GPC5: variants seen among roughly 807,000 people sequenced by gnomAD.
GPC5 encodes the protein glypican-5.
Under a neutral mutation model 53.9 loss-of-function variants are expected in GPC5, and 47 were observed. That is an observed-to-expected ratio of 0.87 (90% CI 0.69 to 1.11). GPC5 has a LOEUF of 1.11. GPC5 is among the 50% of genes most tolerant of loss of function. GPC5 has a pLI of 0.00. For missense variants in GPC5, 748 were observed against 713.1 expected (o/e 1.05, Z -0.56); for synonymous variants, 286 against 263.3 (o/e 1.09, Z -0.84).
chr13:91,491,868 C>T (rs1316493714), intron 2 of GPC5, among the ~76,000 whole-genome samples: 1 of 152,204 alleles, frequency 6.6e-6, no homozygotes, highest in Non-Finnish European at 1.5e-5. Flanking sequence ...ATTATAGCTG[C>T]AAAGACTCTT....
At chr13:92,604,120 AG>A in intron 7 of GPC5, among the ~76,000 whole-genome samples, 1 of 152,218 alleles carries the variant, frequency 6.6e-6, no homozygotes, top group Non-Finnish European at 1.5e-5. Context: ...GTTAACTAAA[AG>A]ATCATAAAGC....
intron 7 of GPC5, among the ~76,000 whole-genome samples, chr13:92,329,941 T>A (rs374723255): frequency 1.3e-5 from 2 of 152,324 alleles, no homozygotes; most frequent in African/African-American, 4.8e-5. Flanking sequence ...GAGGCTTTGA[T>A]GTTTTTCACT....
chr13:91,987,496 A>C (rs569749906), intron 6 of GPC5, among the ~76,000 whole-genome samples: 1 of 152,212 alleles, frequency 6.6e-6, no homozygotes, highest in African/African-American at 2.4e-5. Flanking sequence ...CTACTTTTAG[A>C]GTTACTTCTT....
At chr13:92,640,577 C>A (rs534669942) in intron 7 of GPC5, among the ~76,000 whole-genome samples, 1 of 152,150 alleles carries the variant, frequency 6.6e-6, no homozygotes, top group East Asian at 1.9e-4. Context: ...GTTTTTAATA[C>A]CTGTCCCTAC....
chr13:92,675,103 A>G (rs1219681091), intron 7 of GPC5, among the ~76,000 whole-genome samples: 3 of 152,110 alleles, frequency 2.0e-5, no homozygotes, highest in Admixed American at 6.6e-5. Flanking sequence ...AGTACAAAAT[A>G]TTGATGACTT....
At chr13:92,466,892 T>C (rs931009695) in intron 7 of GPC5, among the ~76,000 whole-genome samples, 4 of 152,090 alleles carry the variant, frequency 2.6e-5, no homozygotes, top group African/African-American at 9.7e-5. Context: ...GTATTACTGC[T>C]TCTGAAAATG....
chr13:92,523,457 G>A (rs151101581), intron 7 of GPC5, among the ~76,000 whole-genome samples: 3 of 152,076 alleles, frequency 2.0e-5, no homozygotes, highest in Non-Finnish European at 2.9e-5. Flanking sequence ...AATTTTTAAT[G>A]AATATTTAGA....
chr13:92,753,510 C>T (rs2139328994), intron 7 of GPC5, among the ~76,000 whole-genome samples: 1 of 152,234 alleles, frequency 6.6e-6, no homozygotes, highest in East Asian at 1.9e-4. Context: ...GAGAAGAAGG[C>T]TTCAGACGAT....
chr13:92,737,313 G>A (rs1888963222), intron 7 of GPC5, among the ~76,000 whole-genome samples: 1 of 151,970 alleles, frequency 6.6e-6, no homozygotes, highest in Non-Finnish European at 1.5e-5. Context: ...GGGAAAACTG[G>A]CCACTTAAGT....
At chr13:91,541,708 A>T (rs890320453) in intron 2 of GPC5, among the ~76,000 whole-genome samples, 1 of 152,086 alleles carries the variant, frequency 6.6e-6, no homozygotes, top group Non-Finnish European at 1.5e-5. Flanking sequence ...GATGATAATT[A>T]TATATTTTTT....
At chr13:92,334,337 A>T (rs953585035) in intron 7 of GPC5, among the ~76,000 whole-genome samples, 10 of 152,082 alleles carry the variant, frequency 6.6e-5, no homozygotes, top group Non-Finnish European at 1.5e-4. Flanking sequence ...CTTATTCATT[A>T]TCATGAGAAC....
chr13:91,455,456 T>C (rs1042457362), intron 2 of GPC5, among the ~76,000 whole-genome samples: 1 of 152,164 alleles, frequency 6.6e-6, no homozygotes, highest in Non-Finnish European at 1.5e-5. Context: ...ATTATTAGGG[T>C]GTCTGCATAT....
At chr13:91,828,155 G>C (rs2038602846) in intron 5 of GPC5, among the ~76,000 whole-genome samples, 1 of 151,976 alleles carries the variant, frequency 6.6e-6, no homozygotes, top group African/African-American at 2.4e-5. Flanking sequence ...GCTTTGTGTA[G>C]AGTGGAAAGA....
intron 7 of GPC5, among the ~76,000 whole-genome samples, chr13:92,278,910 A>G (rs1036957253): frequency 1.6e-4 from 24 of 152,020 alleles, no homozygotes; most frequent in Admixed American, 1.2e-3. Context: ...TGCTAGTACT[A>G]CATTTGACTA....
Position 92,174,572 on chromosome 13 carries a change from A to C in GPC5, c.1561+29583A>C, listed in dbSNP as rs138856072. 3.6e-3 allele frequency among the ~76,000 whole-genome samples: 543 copies of C among 151,940 alleles called. 3 individuals are homozygous for C. The highest frequency in any genetic ancestry group is 0.013 in the African/African-American group (518 of 41,416). ...AAAACAAAAACAACAACAACAACAA[A>C]AAAAACAAAATTTAAATAACTCATT... On this transcript the variant is annotated intron_variant, in intron 7 of 7. Coordinates refer to ENST00000377067, the MANE Select transcript of GPC5 (RefSeq NM_004466.6).
Position 91,994,456 on chromosome 13 carries a change from T to C in GPC5, c.1401+86399T>C. On this transcript the variant is annotated intron_variant, in intron 6 of 7. Coordinates refer to ENST00000377067, the MANE Select transcript of GPC5 (RefSeq NM_004466.6). ...TCTTTATAGAGTGACTGTTAGGTAC[T>C]GAGATACAACAAAGAAGGAATCATA... The C allele has an allele frequency of 1.3e-5, 2 of 152,194 alleles. 1 individual carries two copies. The highest frequency in any genetic ancestry group is 2.9e-5 in the Non-Finnish European group (2 of 68,016). 9.4% of individuals were successfully genotyped at this position (152,194 alleles called of 1,614,324 possible). A position where few individuals can be genotyped will look rare whatever the true frequency, so the allele number is the denominator to read the frequency against.
chr13:92,658,156 G>A (rs1462324175), intron 7 of GPC5, among the ~76,000 whole-genome samples: 5 of 151,910 alleles, frequency 3.3e-5, no homozygotes, highest in Admixed American at 6.6e-5. Context: ...AGAATTCTTG[G>A]GGTGAAAAAT....
intron 7 of GPC5, among the ~76,000 whole-genome samples, chr13:92,210,831 TA>T (rs1433113596): frequency 1.3e-5 from 2 of 152,214 alleles, no homozygotes. Flanking sequence ...GAAAATGGAC[TA>T]AAAAACAGGT....
At chr13:92,589,316 A>G (rs1404240414) in intron 7 of GPC5, among the ~76,000 whole-genome samples, 1 of 152,108 alleles carries the variant, frequency 6.6e-6, no homozygotes, top group African/African-American at 2.4e-5. Context: ...GAGAGTCATG[A>G]GTTCAGTGCA....
Sources: gnomAD v4.1 joint callset for allele counts (sites outside exome capture counted in the v4.1 genomes callset) on GRCh38, gnomAD v4.1.1 for gene constraint, MANE v1.5 for transcripts, NCBI Gene and HGNC (gene_info 2026-07-23, HGNC 2026-07-21) for gene names.